Variants in TMEM80 observed in about 807,000 individuals in gnomAD.
TMEM80 encodes the protein transmembrane protein 80.
A neutral mutation model predicts 13.6 loss-of-function variants in TMEM80; 16 were observed. The ratio of observed to expected loss-of-function variants is 1.17; its 90% CI spans 0.79 to 1.78. The LOEUF (loss-of-function observed/expected upper bound fraction) is 1.78, where lower values mean the gene tolerates loss of function less well. Ranked by LOEUF, TMEM80 falls within the 40% of genes most tolerant of loss-of-function variation. TMEM80 has a pLI of 0.00. For missense variants in TMEM80, 167 were observed against 184.6 expected (o/e 0.90, Z 0.55); for synonymous variants, 92 against 89.5 (o/e 1.03, Z -0.16).
chr11:699,012 G>A, intron 2 of TMEM80, 124 bp downstream of exon 2: 1 of 1,184,444 alleles, frequency 8.4e-7, no homozygotes, highest in Non-Finnish European at 1.3e-6. Flanking sequence ...TTGGAGAGGG[G>A]GGTGTTCCTT....
At chr11:699,035 G>C in intron 2 of TMEM80, 147 bp downstream of exon 2, 1 of 940,782 alleles carries the variant, frequency 1.1e-6, no homozygotes, top group Admixed American at 1.9e-5. Context: ...CAGATTTAGA[G>C]AGTTGATGTA....
chr11:695,717 C>T, upstream of TMEM80: 5 of 1,240,536 alleles, frequency 4.0e-6, no homozygotes, highest in Non-Finnish European at 5.1e-6. Context: ...TCCCGAAACG[C>T]GGCGCGGTCG....
At chr11:701,980 G>A (rs1039698055) in intron 4 of TMEM80, among the ~76,000 whole-genome samples, 1 of 152,222 alleles carries the variant, frequency 6.6e-6, no homozygotes, top group African/African-American at 2.4e-5. Context: ...AAACACACGT[G>A]TTTGTGAAAC....
In TMEM80 at chr11:696,070, C is replaced by T. The variant is rs527923073; in HGVS notation, c.19+224C>T. ...CTCCCCCGCGCGCGGGCGCCTGGCC[C>T]CGGGCAGGGTGGGTGCGGAGCGGCT... On this transcript the variant is annotated intron_variant, in intron 1 of 4. Coordinates refer to ENST00000397510, the MANE Select transcript of TMEM80 (RefSeq NM_001042463.3). Among the ~76,000 whole-genome samples the T allele has an allele frequency of 6.6e-5, 10 of 152,070 alleles. 1 individual carries two copies. Among genetic ancestry groups the T allele is most frequent in the Middle Eastern group, 3.4e-3 (1 of 290 alleles).
downstream of TMEM80, chr11:704,916 G>T (rs1033038628): frequency 4.3e-5 from 15 of 351,782 alleles, no homozygotes; most frequent in Non-Finnish European, 7.8e-5. Context: ...GAGGGCACGG[G>T]TGCACCGAGG....
chr11:703,699 C>T lies in TMEM80; in HGVS notation c.*549C>T, dbSNP rs987696457. ...GCTCTGCCTCACAGGCAGGCAGGCC[C>T]GGTGCAAGAGTGGACTCTGGGTTCC... is the stretch of plus-strand genomic sequence containing the variant. On this transcript the variant is annotated 3_prime_UTR_variant, in exon 5 of 5. Coordinates refer to ENST00000397510, the MANE Select transcript of TMEM80 (RefSeq NM_001042463.3). 90 of 1,232,418 alleles carry T rather than the reference C, an allele frequency of 7.3e-5. No individual in the cohort carries two copies. The East Asian group carries it at 2.8e-3, about 38-fold the overall frequency. 76.3% of individuals were successfully genotyped at this position (1,232,418 alleles called of 1,614,324 possible).
At position 703,592 on chromosome 11, in the gene TMEM80, C is replaced by G. The variant is rs1392007690; in HGVS notation, c.*442C>G. ...ATTTGTGTTCTGAGATCCCAGTTTA[C>G]TCCGTGGCCAGGCCCCACCTGTGTT... On this transcript the variant is annotated 3_prime_UTR_variant, in exon 5 of 5. Transcript: ENST00000397510. 5.7e-6 allele frequency: 7 copies of G among 1,233,160 alleles called. No homozygotes were observed. The highest frequency in any genetic ancestry group is 8.4e-5 in the Admixed American group (2 of 23,764). 76.4% of individuals were successfully genotyped at this position (1,233,160 alleles called of 1,614,324 possible).
chr11:696,767 C>CAA (rs61034313), intron 1 of TMEM80, among the ~76,000 whole-genome samples: 143 of 116,266 alleles, frequency 1.2e-3, no homozygotes, highest in African/African-American at 2.9e-3. Context: ...CCCCCTTCTA[C>CAA]AAAAAAAAAA....
chr11:698,942 G>T, intron 2 of TMEM80, 54 bp downstream of exon 2: 1 of 1,608,518 alleles, frequency 6.2e-7, no homozygotes, highest in Non-Finnish European at 8.5e-7. Context: ...AATTGCTGCT[G>T]CACAGAGAGC....
chr11:702,170 A>G (rs1175109961), intron 4 of TMEM80, among the ~76,000 whole-genome samples: 3 of 152,100 alleles, frequency 2.0e-5, no homozygotes, highest in African/African-American at 4.8e-5. Flanking sequence ...GGCCTCAGAC[A>G]CACTAGGAGG....
At position 696,638 on chromosome 11, in the gene TMEM80, C is replaced by A. The variant is rs1378604902; in HGVS notation, c.19+792C>A. Among the ~76,000 whole-genome samples, 4 of 29,222 alleles carry A rather than the reference C, an allele frequency of 1.4e-4. No homozygotes were observed. In the East Asian group the frequency reaches 3.4e-3, roughly 25 times the overall value. The allele number at this position is 29,222 out of a possible 152,430, so 19.2% of individuals were successfully genotyped here. On this transcript the variant is annotated intron_variant, in intron 1 of 4. Coordinates refer to ENST00000397510, the MANE Select transcript of TMEM80 (RefSeq NM_001042463.3). ...TAAACATCAGCCAGGCGGTGGCGCA[C>A]CCCTGTGGGCCAAGCTATTCTGGAG...
chr11:699,177 G>T lies in TMEM80; in HGVS notation c.39+289G>T, dbSNP rs1374520259. Reference sequence around the variant, plus strand: ...CTGTCTCGGCCGCTAGTGGCAGGAAGATGGAAATCCCTCACTTTGTCCCTA... The same window carrying T: ...CTGTCTCGGCCGCTAGTGGCAGGAATATGGAAATCCCTCACTTTGTCCCTA... On this transcript the variant is annotated intron_variant, in intron 2 of 4. Transcript: ENST00000397510. 10 of 481,338 alleles carry T rather than the reference G, an allele frequency of 2.1e-5. No individual in the cohort carries two copies. In the East Asian group the frequency reaches 2.9e-4, roughly 14 times the overall value. 29.8% of individuals were successfully genotyped at this position (481,338 alleles called of 1,614,324 possible).
In TMEM80 at chr11:699,785, C is replaced by T. The variant is rs563821227; in HGVS notation, c.40-357C>T. 38 of 203,646 alleles carry T rather than the reference C, an allele frequency of 1.9e-4. No homozygotes were observed. The South Asian group carries it at 4.7e-3, about 25-fold the overall frequency. The allele number at this position is 203,646 out of a possible 1,614,324, so 12.6% of individuals were successfully genotyped here. ...AAAGAAAATGACAAAGTTATTTTTT[C>T]TCTCTTAACTCATAACTGGGGCCAA... On this transcript the variant is annotated intron_variant, in intron 2 of 4. Coordinates refer to ENST00000397510, the MANE Select transcript of TMEM80 (RefSeq NM_001042463.3).
chr11:695,661 G>C (rs1001107686), upstream of TMEM80: 23 of 1,244,978 alleles, frequency 1.8e-5, no homozygotes, highest in African/African-American at 3.1e-4. Context: ...TGCCCGAGCG[G>C]TGCCGGACGG....
At chr11:701,716 G>A (rs1046175206) in intron 4 of TMEM80, among the ~76,000 whole-genome samples, 5 of 152,054 alleles carry the variant, frequency 3.3e-5, no homozygotes, top group African/African-American at 4.8e-5. Flanking sequence ...GCCGGAGACA[G>A]GGTTTCGCTA....
In TMEM80 at chr11:703,518, C is replaced by G. The variant is rs764038183; in HGVS notation, c.*368C>G. 1.6e-4 allele frequency: 196 copies of G among 1,238,024 alleles called. 1 individual carries two copies. The highest frequency in any genetic ancestry group is 1.8e-4 in the Non-Finnish European group (181 of 992,082). The allele number at this position is 1,238,024 out of a possible 1,614,324, so 76.7% of individuals were successfully genotyped here. A position where few individuals can be genotyped will look rare whatever the true frequency, so the allele number is the denominator to read the frequency against. On this transcript the variant is annotated 3_prime_UTR_variant, in exon 5 of 5. Coordinates refer to ENST00000397510, the MANE Select transcript of TMEM80 (RefSeq NM_001042463.3). ...AGGACAGAGCCCTTCAGAACAGAGGCCTCATCTCACTGCATCCCCCATCAC... is the reference window on the plus strand; with the variant it reads ...AGGACAGAGCCCTTCAGAACAGAGGGCTCATCTCACTGCATCCCCCATCAC...
At chr11:699,937 C>T (rs1384480814) in intron 2 of TMEM80, 1 of 558,132 alleles carries the variant, frequency 1.8e-6, no homozygotes, top group Non-Finnish European at 3.2e-6. Flanking sequence ...GGGGGTCCCA[C>T]AAAGGCCTTG....
intron 4 of TMEM80, among the ~76,000 whole-genome samples, chr11:702,188 C>A (rs1031414488): frequency 1.3e-5 from 2 of 152,170 alleles, no homozygotes; most frequent in African/African-American, 4.8e-5. Context: ...AGGATGGAGG[C>A]GAGTTCTCTC....
rs1861600053 is a variant in TMEM80, at chr11:703,658, G to T, written c.*508G>T. On this transcript the variant is annotated 3_prime_UTR_variant, in exon 5 of 5. Transcript: ENST00000397510. ...AGACGCAGGATGGGGTAGGCCTTGTGCTCTGAGCAACCCCAGCTCTGCCTC... is the reference window on the plus strand; with the variant it reads ...AGACGCAGGATGGGGTAGGCCTTGTTCTCTGAGCAACCCCAGCTCTGCCTC... 3 of 1,232,526 alleles carry T rather than the reference G, an allele frequency of 2.4e-6. No individual in the cohort carries two copies. Among genetic ancestry groups the T allele is most frequent in the South Asian group, 8.2e-5 (2 of 24,426 alleles). 76.3% of individuals were successfully genotyped at this position (1,232,526 alleles called of 1,614,324 possible). A position where few individuals can be genotyped will look rare whatever the true frequency, so the allele number is the denominator to read the frequency against.
Sources: gnomAD v4.1 joint callset for allele counts (sites outside exome capture counted in the v4.1 genomes callset) on GRCh38, gnomAD v4.1.1 for gene constraint, MANE v1.5 for transcripts, NCBI Gene and HGNC (gene_info 2026-07-23, HGNC 2026-07-21) for gene names.